DCHS2: variants seen among roughly 807,000 people sequenced by gnomAD.
DCHS2 encodes the protein dachsous cadherin-related 2, also known as protocadherin-23.
DCHS2 carries 142 observed loss-of-function variants against 182.4 expected under a neutral mutation model. The ratio of observed to expected loss-of-function variants is 0.78; its 90% confidence interval spans 0.68 to 0.89. DCHS2 has a LOEUF of 0.89. Among genes scored for constraint, DCHS2 ranks in the 40% least tolerant of loss-of-function variants. The probability of loss-of-function intolerance (pLI) is 0.00; values close to 1 mark genes in which losing one functional copy is unlikely to be tolerated. For missense variants in DCHS2, 4,319 were observed against 4,198.6 expected (o/e 1.03, Z -0.79); for synonymous variants, 1,740 against 1,663.3 (o/e 1.05, Z -1.12).
chr4:154,349,912 A>C (rs1325543847), intron 3 of DCHS2, among the ~76,000 whole-genome samples: 1 of 152,216 alleles, frequency 6.6e-6, no homozygotes, highest in African/African-American at 2.4e-5. Context: ...AATGATGATA[A>C]ATAAAAATGC....
chr4:154,434,885 C>T (rs898747769), intron 1 of DCHS2, among the ~76,000 whole-genome samples: 9 of 152,072 alleles, frequency 5.9e-5, no homozygotes, highest in Non-Finnish European at 1.2e-4. Flanking sequence ...GAGTAATCAT[C>T]AAAACTACCA....
At chr4:154,475,149 A>G (rs2111026027) in intron 1 of DCHS2, among the ~76,000 whole-genome samples, 1 of 152,244 alleles carries the variant, frequency 6.6e-6, no homozygotes, top group Non-Finnish European at 1.5e-5. Context: ...TGGTTTTTGA[A>G]TTTTTTATAC....
At chr4:154,467,555 T>C (rs1367287440) in intron 1 of DCHS2, among the ~76,000 whole-genome samples, 1 of 152,152 alleles carries the variant, frequency 6.6e-6, no homozygotes, top group African/African-American at 2.4e-5. Context: ...TGTAAGGAAT[T>C]TGCAGAAATG....
In DCHS2 at chr4:154,235,565, C is replaced by T. The variant is rs767404381; in HGVS notation, c.9087G>A (p.Glu3029=). The change falls in exon 20 of 20, where the codon GAG becomes GAA. Residue 3029 remains glutamate (E), a synonymous_variant. Coordinates refer to ENST00000357232, the MANE Select transcript of DCHS2 (RefSeq NM_001358235.2). ...CATCTAAAGATGAGGTTTTCTTCTC[C>T]TCATAATTGTTTATTGTGTCTTTTT... ...HKQKDTINNY[E]EKKTSSLDAD... 3 of 1,613,910 alleles carry T rather than the reference C, an allele frequency of 1.9e-6. No homozygotes were observed. Among genetic ancestry groups the T allele is most frequent in the African/African-American group, 2.7e-5 (2 of 74,904 alleles).
chr4:154,402,395 A>G (rs1732227320), intron 1 of DCHS2, among the ~76,000 whole-genome samples: 1 of 152,230 alleles, frequency 6.6e-6, no homozygotes, highest in Non-Finnish European at 1.5e-5. Flanking sequence ...ATCAACTCAC[A>G]ACTTTTATAA....
chr4:154,233,362 CAG>C lies in DCHS2; in HGVS notation c.*1172_*1173del, dbSNP rs1228182543. 2 of 152,258 alleles carry C rather than the reference CAG, an allele frequency of 1.3e-5. No homozygotes were observed. Among genetic ancestry groups the C allele is most frequent in the Middle Eastern group, 3.4e-3 (1 of 294 alleles). 9.4% of individuals were successfully genotyped at this position (152,258 alleles called of 1,614,324 possible). A position where few individuals can be genotyped will look rare whatever the true frequency, so the allele number is the denominator to read the frequency against. ...CTATATTTCTAAAATAGTAATTGTACAGAGTCATTTTAACCATGTGCCAAACT... is the reference window on the plus strand; with the variant it reads ...CTATATTTCTAAAATAGTAATTGTACAGTCATTTTAACCATGTGCCAAACT... On this transcript the variant is annotated 3_prime_UTR_variant, in exon 20 of 20. Transcript: ENST00000357232.
At position 154,332,607 on chromosome 4, in the gene DCHS2, C is replaced by T. The variant is rs151280397; in HGVS notation, c.3601G>A (p.Glu1201Lys). ...FLHDVLFLKV[E>K]ESPVPQGVIG... is the part of the protein sequence containing the mutation. ...ACCCCTTGGGGAACAGGGCTCTCTTCGACTTTCAAAAACAACACATCATGC... is the reference window on the plus strand; with the variant it reads ...ACCCCTTGGGGAACAGGGCTCTCTTTGACTTTCAAAAACAACACATCATGC... Residue 1201 changes from glutamate (E) to lysine (K), a missense_variant, in exon 5 of 20, where the codon GAA becomes AAA. Physicochemically the swap from Glu to Lys is moderately conservative, Grantham distance 56. Coordinates refer to ENST00000357232, the MANE Select transcript of DCHS2 (RefSeq NM_001358235.2). 1.2e-6 allele frequency: 2 copies of T among 1,614,184 alleles called. No individual in the cohort carries two copies. The highest frequency in any genetic ancestry group is 2.7e-5 in the African/African-American group (2 of 75,038).
intron 13 of DCHS2, among the ~76,000 whole-genome samples, 182 bp from the exon 14 acceptor site, chr4:154,270,195 C>A (rs1361103662): frequency 6.6e-6 from 1 of 152,036 alleles, no homozygotes; most frequent in Non-Finnish European, 1.5e-5. Flanking sequence ...TACTAGCAAA[C>A]AAGATAGAAA....
intron 1 of DCHS2, among the ~76,000 whole-genome samples, chr4:154,483,173 G>A (rs935294553): frequency 2.0e-5 from 3 of 152,130 alleles, no homozygotes; most frequent in African/African-American, 4.8e-5. Context: ...GTATGGAAGA[G>A]GAAGGGTTAG....
chr4:154,465,778 C>G (rs552850181), intron 1 of DCHS2, among the ~76,000 whole-genome samples: 1 of 152,108 alleles, frequency 6.6e-6, no homozygotes, highest in Admixed American at 6.5e-5. Flanking sequence ...GGATTGATGT[C>G]GTTGGGGGCT....
chr4:154,491,116 G>C lies in DCHS2; in HGVS notation c.240C>G (p.Asp80Glu), dbSNP rs1193391693. The change falls in exon 1 of 20, where the codon GAC becomes GAG. Residue 80 changes from aspartate to glutamate, a missense_variant. By Grantham distance (45) the Asp-to-Glu change is conservative (BLOSUM62 2). Coordinates refer to ENST00000357232, the MANE Select transcript of DCHS2 (RefSeq NM_001358235.2). ...CGGCGCGGATGTCACCTACCAGCGT[G>C]TCCGGGGGAAGCCCCTCATCTACGG... The part of the protein sequence containing the change: ...TLSVDEGLPP[D>E]TLVGDIRAGL... The C allele has an allele frequency of 6.4e-7, 1 of 1,551,522 alleles. No homozygotes were observed. The highest frequency in any genetic ancestry group is 2.0e-5 in the Admixed American group (1 of 51,006).
chr4:154,371,670 T>G (rs1424889792), intron 2 of DCHS2, among the ~76,000 whole-genome samples: 3 of 152,138 alleles, frequency 2.0e-5, no homozygotes, highest in African/African-American at 7.2e-5. Context: ...CATAGCAGCT[T>G]CAGCTTCTGG....
At position 154,298,329 on chromosome 4, in the gene DCHS2, G is replaced by A. The variant is rs745420429; in HGVS notation, c.5985C>T (p.Leu1995=). 3.5e-5 allele frequency: 57 copies of A among 1,614,042 alleles called. No homozygotes were observed. The highest frequency in any genetic ancestry group is 4.4e-5 in the Non-Finnish European group (52 of 1,180,028). The stretch of plus-strand genomic sequence containing the variant: ...TATGCTGAGATCTGGCTTCACGGTC[G>A]AGGGTGTTGCTGGTTTTCAATGTGC... The part of the protein sequence containing the change: ...MSGTLKTSNT[L]DREARSQHTF... Residue 1995 remains leucine, a synonymous_variant, in exon 13 of 20, where the codon CTC becomes CTT. Transcript: ENST00000357232.
intron 3 of DCHS2, among the ~76,000 whole-genome samples, chr4:154,357,849 C>T (rs2110745172): frequency 6.6e-6 from 1 of 152,292 alleles, no homozygotes; most frequent in East Asian, 1.9e-4. Flanking sequence ...TTTGCACCTA[C>T]AAACTCCTGG....
intron 5 of DCHS2, among the ~76,000 whole-genome samples, chr4:154,330,117 C>G (rs770309807): frequency 6.6e-6 from 1 of 152,188 alleles, no homozygotes; most frequent in Non-Finnish European, 1.5e-5. Flanking sequence ...TTCCCCATCT[C>G]AGACATGGAA....
chr4:154,487,738 A>T (rs1728639474), intron 1 of DCHS2, among the ~76,000 whole-genome samples: 1 of 152,244 alleles, frequency 6.6e-6, no homozygotes, highest in South Asian at 2.1e-4. Flanking sequence ...TAAGCAGCAA[A>T]CATCTTAAAA....
Position 154,489,895 on chromosome 4 carries a change from C to A in DCHS2, c.1461G>T (p.Gly487=). The A allele has an allele frequency of 6.5e-7, 1 of 1,540,260 alleles. No homozygotes were observed. Among genetic ancestry groups the A allele is most frequent in the South Asian group, 1.2e-5 (1 of 83,020 alleles). Residue 487 remains glycine, a synonymous_variant, in exon 1 of 20, where the codon GGG becomes GGT. Coordinates refer to ENST00000357232, the MANE Select transcript of DCHS2 (RefSeq NM_001358235.2). ...GCCCCTCCACGCAAAGGAAAAATAC[C>A]CCTGGGGGGCCGCCGGGTAGCAACG... The part of the protein sequence containing the change: ...DFALLPGGPP[G]VFFLCVEGPL...
intron 1 of DCHS2, among the ~76,000 whole-genome samples, chr4:154,483,827 C>A (rs1028895342): frequency 6.6e-6 from 1 of 152,134 alleles, no homozygotes. Context: ...GCAAGACCCT[C>A]GTCTCAGCCA....
At position 154,463,103 on chromosome 4, in the gene DCHS2, G is replaced by GTACATACTTATGTATATACATAAGTATA. The variant is rs573812383; in HGVS notation, c.2052+26173_2052+26200dup. 2.6e-3 allele frequency among the ~76,000 whole-genome samples: 396 copies of GTACATACTTATGTATATACATAAGTATA among 150,574 alleles called. 1 individual carries two copies. The highest frequency in any genetic ancestry group is 8.1e-3 in the African/African-American group (331 of 40,962). On this transcript the variant is annotated intron_variant, in intron 1 of 19. Coordinates refer to ENST00000357232, the MANE Select transcript of DCHS2 (RefSeq NM_001358235.2). The stretch of plus-strand genomic sequence containing the variant: ...CATTTATAAGTAGGTGTATACATAT[G>GTACATACTTATGTATATACATAAGTATA]TACATACTTATGTATATACATAAGT...
Sources: allele counts gnomAD v4.1 joint callset (sites outside exome capture counted in the v4.1 genomes callset), GRCh38; gene constraint gnomAD v4.1.1; transcripts MANE v1.5; gene names NCBI Gene and HGNC (gene_info 2026-07-23, HGNC 2026-07-21).